The following LRP1B variants were observed in gnomAD, a reference collection of about 807,000 sequenced individuals.
LRP1B encodes low-density lipoprotein receptor-related protein 1B.
Under a neutral mutation model 556.6 loss-of-function variants are expected in LRP1B, and 217 were observed. The ratio of observed to expected loss-of-function variants is 0.39; its 90% CI spans 0.35 to 0.44. The LOEUF (loss-of-function observed/expected upper bound fraction) is 0.44. LRP1B is among the 20% of genes least tolerant of loss of function. LRP1B has a pLI of 1.00. For missense variants in LRP1B, 5,053 were observed against 5,620.8 expected, an observed-to-expected ratio of 0.90 and a Z score of 3.23; for synonymous variants, 2,047 against 1,865.8, an observed-to-expected ratio of 1.10 and a Z score of -2.50.
chr2:141,531,855 TG>T (rs36105535), intron 2 of LRP1B, among the ~76,000 whole-genome samples: 35,763 of 151,980 alleles, frequency 0.24, 5,218 homozygotes, highest in East Asian at 0.48. Context: ...CACAAGTGTG[TG>T]GGGTGGAGGC....
At chr2:141,315,999 G>A (rs1687021140) in intron 3 of LRP1B, among the ~76,000 whole-genome samples, 1 of 137,022 alleles carries the variant, frequency 7.3e-6, no homozygotes, top group African/African-American at 2.7e-5. Context: ...TCTATAAAGA[G>A]TTTTACTATA....
chr2:140,709,146 T>C (rs1686942200), intron 37 of LRP1B, among the ~76,000 whole-genome samples: 1 of 152,052 alleles, frequency 6.6e-6, no homozygotes, highest in African/African-American at 2.4e-5. Flanking sequence ...AGAAAAACTT[T>C]TCAGCACATT....
At chr2:141,810,186 A>AAAGAAAGAAAGAAAG in intron 2 of LRP1B, 93 bp downstream of exon 2, 1 of 1,031,002 alleles carries the variant, frequency 9.7e-7, no homozygotes, top group East Asian at 2.7e-5. Flanking sequence ...AGAAAGAAAG[A>AAAGAAAGAAAGAAAG]ATCATCTAGA....
At chr2:142,089,606 A>C (rs1190774313) in intron 1 of LRP1B, among the ~76,000 whole-genome samples, 1 of 152,190 alleles carries the variant, frequency 6.6e-6, no homozygotes, top group Non-Finnish European at 1.5e-5. Context: ...CCATTCATGG[A>C]CAAGTGTGGT....
intron 43 of LRP1B, among the ~76,000 whole-genome samples, chr2:140,581,710 A>G (rs906604083): frequency 6.6e-6 from 1 of 152,050 alleles, no homozygotes; most frequent in African/African-American, 2.4e-5. Context: ...AGTATTGCCA[A>G]CCAAATGTTA....
chr2:140,968,637 G>C (rs1696311842), intron 18 of LRP1B, among the ~76,000 whole-genome samples: 2 of 151,968 alleles, frequency 1.3e-5, no homozygotes, highest in South Asian at 4.2e-4. Context: ...GTCAATTTTG[G>C]ATCTTTCCTG....
chr2:141,038,141 A>T (rs569440939), intron 11 of LRP1B, among the ~76,000 whole-genome samples: 4,000 of 140,362 alleles, frequency 0.028, 84 homozygotes, highest in Non-Finnish European at 0.036. Flanking sequence ...AAAATAATTA[A>T]AAAAAAAATC....
chr2:141,471,534 C>T (rs142004475), intron 3 of LRP1B, among the ~76,000 whole-genome samples: 3 of 152,178 alleles, frequency 2.0e-5, no homozygotes, highest in African/African-American at 7.2e-5. Context: ...AATGTTCTTC[C>T]TTTCCTCATT....
intron 60 of LRP1B, among the ~76,000 whole-genome samples, chr2:140,463,230 G>A (rs766130761): frequency 6.6e-6 from 1 of 152,090 alleles, no homozygotes; most frequent in Non-Finnish European, 1.5e-5. Context: ...CAAAGAGTGG[G>A]TGGGTGGGAA....
chr2:141,116,892 T>G (rs1363489126), intron 7 of LRP1B, among the ~76,000 whole-genome samples: 1 of 152,108 alleles, frequency 6.6e-6, no homozygotes, highest in Non-Finnish European at 1.5e-5. Flanking sequence ...GATTGCATAT[T>G]TTATGTGATA....
At chr2:141,853,157 C>T (rs1697922434) in intron 1 of LRP1B, among the ~76,000 whole-genome samples, 1 of 151,468 alleles carries the variant, frequency 6.6e-6, no homozygotes, top group East Asian at 1.9e-4. Context: ...GATTTAATAT[C>T]TACAGATTCT....
At chr2:140,676,426 A>T (rs949561516) in intron 41 of LRP1B, among the ~76,000 whole-genome samples, 5 of 152,196 alleles carry the variant, frequency 3.3e-5, no homozygotes, top group African/African-American at 1.2e-4. Context: ...TTTAAAGCCA[A>T]TGCTTTAGAA....
intron 18 of LRP1B, among the ~76,000 whole-genome samples, chr2:140,977,598 G>GT (rs60725702): frequency 3.2e-4 from 49 of 151,698 alleles, no homozygotes; most frequent in African/African-American, 1.2e-3. Context: ...CAGTAATTGC[G>GT]TTTTTTTTTG....
intron 30 of LRP1B, among the ~76,000 whole-genome samples, chr2:140,840,689 T>A (rs1332124495): frequency 6.6e-6 from 1 of 152,178 alleles, no homozygotes; most frequent in African/African-American, 2.4e-5. Flanking sequence ...AAATATAAAT[T>A]AATGAGATCT....
intron 2 of LRP1B, among the ~76,000 whole-genome samples, chr2:141,752,778 A>G (rs565070404): frequency 6.7e-5 from 10 of 149,928 alleles, no homozygotes; most frequent in Admixed American, 6.6e-4. Context: ...TGTCTCCACA[A>G]AAGCACAAAA....
chr2:140,908,202 T>C (rs1313623707), intron 21 of LRP1B, 125 bp from the exon 22 acceptor site: 14 of 689,584 alleles, frequency 2.0e-5, no homozygotes, highest in Non-Finnish European at 3.2e-5. Flanking sequence ...ACAAAATCTA[T>C]TTGCTTATTA....
chr2:142,115,706 AAT>A lies in LRP1B; in HGVS notation c.82+14940_82+14941del, dbSNP rs1482012034. Among the ~76,000 whole-genome samples, 2 of 3,718 alleles carry A rather than the reference AAT, an allele frequency of 5.4e-4. 1 individual carries two copies. The highest frequency in any genetic ancestry group is 1.7e-3 in the African/African-American group (2 of 1,194). 2.4% of individuals were successfully genotyped at this position (3,718 alleles called of 152,430 possible). On this transcript the variant is annotated intron_variant, in intron 1 of 90. Transcript: ENST00000389484. ...TATAATATATATGTAATATATATAT[AAT>A]ATATATGTAATATATATATAATATA...
intron 11 of LRP1B, among the ~76,000 whole-genome samples, chr2:141,043,891 C>T (rs868695594): frequency 2.6e-5 from 4 of 151,820 alleles, no homozygotes; most frequent in Admixed American, 1.3e-4. Flanking sequence ...GCTACCAACG[C>T]CTTTCTTCAC....
chr2:141,315,054 C>T (rs925181987), intron 3 of LRP1B, among the ~76,000 whole-genome samples: 15 of 150,148 alleles, frequency 1.0e-4, no homozygotes, highest in African/African-American at 3.7e-4. Flanking sequence ...AGTATCTAAC[C>T]AAACAGGTAG....
Sources: gnomAD v4.1 joint callset for allele counts (sites outside exome capture counted in the v4.1 genomes callset) on GRCh38, gnomAD v4.1.1 for gene constraint, MANE v1.5 for transcripts, NCBI Gene and HGNC (gene_info 2026-07-23, HGNC 2026-07-21) for gene names.